ANAPC1: variants seen among roughly 807,000 people sequenced by gnomAD.
ANAPC1 encodes the protein anaphase promoting complex subunit 1.
A neutral mutation model predicts 208.0 loss-of-function variants in ANAPC1; 36 were observed. That is an observed-to-expected ratio of 0.17 (90% CI 0.13 to 0.23). The LOEUF is 0.23. ANAPC1 is among the 10% of genes least tolerant of loss of function. The pLI is 1.00. For synonymous variants in ANAPC1, 378 were observed against 695.2 expected (o/e 0.54, Z 7.18); for missense variants, 942 against 2,011.6 (o/e 0.47, Z 10.17).
At chr2:111,870,577 T>C (rs540534922) in intron 6 of ANAPC1, among the ~76,000 whole-genome samples, 36 of 152,202 alleles carry the variant, frequency 2.4e-4, no homozygotes, top group African/African-American at 6.0e-4. Flanking sequence ...CTGATCTGAG[T>C]TCCTTATATA....
chr2:111,839,924 C>CTTATATATGTAAGG, intron 17 of ANAPC1, among the ~76,000 whole-genome samples: 1 of 152,090 alleles, frequency 6.6e-6, no homozygotes, highest in Non-Finnish European at 1.5e-5. Context: ...CTGTTATATG[C>CTTATATATGTAAGG]TCCTATGGAC....
intron 17 of ANAPC1, among the ~76,000 whole-genome samples, chr2:111,840,719 G>T (rs1680715878): frequency 6.6e-6 from 1 of 152,152 alleles, no homozygotes. Context: ...AAAAATTGGG[G>T]ATAATGTCAC....
chr2:111,810,543 C>T (rs1678928310), intron 28 of ANAPC1, among the ~76,000 whole-genome samples: 1 of 150,374 alleles, frequency 6.7e-6, no homozygotes, highest in South Asian at 2.1e-4. Context: ...GTTTAGTTTG[C>T]CAGAGAGCTA....
At chr2:111,858,884 T>C (rs1346985249) in intron 10 of ANAPC1, among the ~76,000 whole-genome samples, 1 of 152,172 alleles carries the variant, frequency 6.6e-6, no homozygotes, top group African/African-American at 2.4e-5. Context: ...TCATGATCTC[T>C]AAGATCCTTT....
rs777998472 is a variant in ANAPC1 at position 111,833,223 on chromosome 2, G to A, written c.2473C>T (p.Pro825Ser). 3.1e-6 allele frequency: 5 copies of A among 1,587,592 alleles called. No homozygotes were observed. The Admixed American group carries it at 5.1e-5, about 16-fold the overall frequency. Residue 825 changes from proline to serine, a missense_variant, in exon 20 of 48, where the codon CCA becomes TCA. Pro to Ser is a moderately conservative substitution (Grantham distance 74). Coordinates refer to ENST00000341068, the MANE Select transcript of ANAPC1 (RefSeq NM_022662.4). The stretch of plus-strand genomic sequence containing the variant: ...ATTTAAAAGCACGACTACTTACCTG[G>A]ATCAATTGTGCACACTTGTCCAGTA... ...RTTGQVCTIDPGQTGFMHHPS... is the reference protein window; with the variant it reads ...RTTGQVCTIDSGQTGFMHHPS...
chr2:111,850,776 C>T lies in ANAPC1; in HGVS notation c.1650G>A (p.Glu550=). 6.2e-7 allele frequency: 1 copy of T among 1,611,518 alleles called. No homozygotes were observed. Among genetic ancestry groups the T allele is most frequent in the Non-Finnish European group, 8.5e-7 (1 of 1,179,776 alleles). Residue 550 remains glutamate, a splice_region_variant and synonymous_variant, in exon 14 of 48, where the codon GAG becomes GAA. Coordinates refer to ENST00000341068, the MANE Select transcript of ANAPC1 (RefSeq NM_022662.4). ...TGGCAACACCTAGTCCTTTTCTTAC[C>T]TCGTCCAATGATCCAAGGAGTTTAC... ...PLSKLLGSLD[E]VVLLSPVPEL...
At chr2:111,821,524 TA>T in intron 25 of ANAPC1, 71 bp from the exon 26 acceptor site, 1 of 1,466,474 alleles carries the variant, frequency 6.8e-7, no homozygotes, top group African/African-American at 1.4e-5. Context: ...CATGAGGATA[TA>T]TAGGCTGATG....
intron 17 of ANAPC1, among the ~76,000 whole-genome samples, chr2:111,839,569 G>T (rs2104484170): frequency 6.6e-6 from 1 of 152,174 alleles, no homozygotes; most frequent in East Asian, 1.9e-4. Flanking sequence ...ACTAAACATA[G>T]GTAGCAATAA....
At chr2:111,836,599 A>G (rs1573429376) in intron 18 of ANAPC1, among the ~76,000 whole-genome samples, 1 of 151,800 alleles carries the variant, frequency 6.6e-6, no homozygotes, top group Non-Finnish European at 1.5e-5. Context: ...GTCAACTACG[A>G]TAGCATCACT....
rs1011764762 is a variant in ANAPC1, at chr2:111,794,774, C to G, written c.4373+44G>C. ...ACATGGTATATTTCAATTTAATTAT[C>G]TGATAGACGCTAGGATAGCTAATTT... On this transcript the variant is annotated intron_variant, in intron 35 of 47. Transcript: ENST00000341068. 4 of 860,062 alleles carry G rather than the reference C, an allele frequency of 4.7e-6. No homozygotes were observed. The African/African-American group carries it at 6.8e-5, about 15-fold the overall frequency. 53.3% of individuals were successfully genotyped at this position (860,062 alleles called of 1,614,324 possible). A position where few individuals can be genotyped will look rare whatever the true frequency, so the allele number is the denominator to read the frequency against.
Position 111,872,724 on chromosome 2 carries a change from A to C in ANAPC1, c.529-12T>G. 1.3e-6 allele frequency: 2 copies of C among 1,593,350 alleles called. No homozygotes were observed. The highest frequency in any genetic ancestry group is 1.7e-6 in the Non-Finnish European group (2 of 1,161,766). Reference sequence around the variant, plus strand: ...CAAACATTTGCAACCTTTCAGGTAAAAGGGTGGGAAAAGATAGAAGTAAGA... The same window carrying C: ...CAAACATTTGCAACCTTTCAGGTAACAGGGTGGGAAAAGATAGAAGTAAGA... On this transcript the variant is annotated splice_polypyrimidine_tract_variant and intron_variant, in intron 5 of 47. Transcript: ENST00000341068.
At chr2:111,852,973 G>C (rs1007669861) in intron 13 of ANAPC1, among the ~76,000 whole-genome samples, 2 of 149,762 alleles carry the variant, frequency 1.3e-5, no homozygotes, top group East Asian at 2.0e-4. Context: ...GAGTAACAGA[G>C]AGAGATACTG....
intron 3 of ANAPC1, among the ~76,000 whole-genome samples, chr2:111,878,289 T>C (rs1264913493): frequency 6.6e-6 from 1 of 152,214 alleles, no homozygotes; most frequent in Non-Finnish European, 1.5e-5. Flanking sequence ...AAGTTTTCCT[T>C]CATCAAATGG....
At chr2:111,847,277 G>A in intron 15 of ANAPC1, 79 bp from the exon 16 acceptor site, 1 of 897,972 alleles carries the variant, frequency 1.1e-6, no homozygotes. Flanking sequence ...GCTGGTACAA[G>A]ACTTTGCCCA....
chr2:111,829,454 T>C (rs2104453352), intron 21 of ANAPC1, among the ~76,000 whole-genome samples: 1 of 152,096 alleles, frequency 6.6e-6, no homozygotes, highest in Middle Eastern at 3.4e-3. Flanking sequence ...GACAAAAGCA[T>C]ATGGTTCTCC....
chr2:111,861,040 A>G (rs1162128721), intron 10 of ANAPC1, among the ~76,000 whole-genome samples: 2 of 152,176 alleles, frequency 1.3e-5, no homozygotes, highest in African/African-American at 4.8e-5. Flanking sequence ...GTCATCAAAC[A>G]TACCAGAGGC....
chr2:111,875,230 C>T (rs915422218), intron 3 of ANAPC1, among the ~76,000 whole-genome samples: 41 of 152,128 alleles, frequency 2.7e-4, no homozygotes, highest in Non-Finnish European at 1.8e-4. Flanking sequence ...GAAAAATGTC[C>T]ATTTAAGTCC....
At chr2:111,807,664 G>A (rs1456620583) in intron 29 of ANAPC1, among the ~76,000 whole-genome samples, 2 of 151,808 alleles carry the variant, frequency 1.3e-5, no homozygotes, top group South Asian at 2.1e-4. Context: ...TGTACTCCAG[G>A]CTGGGCAACA....
chr2:111,856,670 T>C lies in ANAPC1; in HGVS notation c.1459A>G (p.Thr487Ala). 6.2e-7 allele frequency: 1 copy of C among 1,613,930 alleles called. No homozygotes were observed. Among genetic ancestry groups the C allele is most frequent in the East Asian group, 2.2e-5 (1 of 44,868 alleles). ...CCACTGCCTTCCAAGACCAGCATGG[T>C]GTCTATTTTCTAAAAAAACAAAAAA... ...KDAAPVEKIDTMLVLEGSGNL... is the reference protein window; with the variant it reads ...KDAAPVEKIDAMLVLEGSGNL... The change falls in exon 13 of 48, where the codon ACC becomes GCC. Residue 487 changes from threonine (T) to alanine (A), a missense_variant. Coordinates refer to ENST00000341068, the MANE Select transcript of ANAPC1 (RefSeq NM_022662.4).
Sources: allele counts gnomAD v4.1 joint callset (sites outside exome capture counted in the v4.1 genomes callset), GRCh38; gene constraint gnomAD v4.1.1; transcripts MANE v1.5; gene names NCBI Gene and HGNC (gene_info 2026-07-23, HGNC 2026-07-21).